Variants in COL15A1 observed in about 807,000 individuals in gnomAD.
COL15A1 encodes collagen type XV alpha 1 chain.
COL15A1 carries 111 observed loss-of-function variants against 165.9 expected under a neutral mutation model. That is an observed-to-expected ratio of 0.67 (90% CI 0.57 to 0.78). COL15A1 has a LOEUF of 0.78. COL15A1 is among the 30% of genes least tolerant of loss of function. COL15A1 has a pLI of 0.00. For synonymous variants in COL15A1, 659 were observed against 674.8 expected, an observed-to-expected ratio of 0.98 and a Z score of 0.36; for missense variants, 1,745 against 1,789.7, an observed-to-expected ratio of 0.98 and a Z score of 0.45.
intron 5 of COL15A1, among the ~76,000 whole-genome samples, chr9:98,994,958 C>G (rs1192695527): frequency 1.3e-5 from 2 of 152,106 alleles, no homozygotes; most frequent in Non-Finnish European, 2.9e-5. Context: ...CCCTGAGTTA[C>G]AGAGCTCAGC....
chr9:98,960,262 T>A (rs1837844315), intron 2 of COL15A1, among the ~76,000 whole-genome samples: 1 of 151,960 alleles, frequency 6.6e-6, no homozygotes, highest in Non-Finnish European at 1.5e-5. Context: ...TAGCATGATG[T>A]GGTGACATGT....
rs1191675282 is a variant in COL15A1, at chr9:99,049,692, C to A, written c.2796C>A (p.Gly932=). The part of the protein sequence containing the change: ...TKGDPGVIMQ[G]PPGLPGPPGP... ...ATGGCCTTTTTTTCTTCCTTCAGGG[C>A]CCACCTGGCTTACCTGGCCCTCCAG... Residue 932 remains glycine, a splice_region_variant and synonymous_variant, in exon 29 of 42, where the codon GGC becomes GGA. Transcript: ENST00000375001. 6.2e-7 allele frequency: 1 copy of A among 1,613,138 alleles called. No individual in the cohort carries two copies. Among genetic ancestry groups the A allele is most frequent in the African/African-American group, 1.3e-5 (1 of 75,022 alleles).
At position 99,047,887 on chromosome 9, in the gene COL15A1, G is replaced by T. The variant is rs770738280; in HGVS notation, c.2733+48G>T. ...CAGGCTGGAGGGGGAGGACACGTGG[G>T]CCAGGCTGGTCTGTGGGCGGAGGGT... On this transcript the variant is annotated intron_variant, in intron 27 of 41. Transcript: ENST00000375001. 5.0e-6 allele frequency: 8 copies of T among 1,610,994 alleles called. No individual in the cohort carries two copies. In the African/African-American group the frequency reaches 1.1e-4, roughly 22 times the overall value.
chr9:99,000,169 A>AG (rs1314802316), intron 6 of COL15A1, among the ~76,000 whole-genome samples: 1 of 152,218 alleles, frequency 6.6e-6, no homozygotes, highest in Non-Finnish European at 1.5e-5. Context: ...AAATTGCAAA[A>AG]GAAATATATG....
chr9:98,979,116 T>G (rs1279701587), intron 2 of COL15A1, among the ~76,000 whole-genome samples: 1 of 152,208 alleles, frequency 6.6e-6, no homozygotes, highest in Non-Finnish European at 1.5e-5. Context: ...ATTTATTATA[T>G]TAATCATTCC....
intron 39 of COL15A1, among the ~76,000 whole-genome samples, chr9:99,063,476 G>T (rs1003547149): frequency 2.0e-5 from 3 of 152,206 alleles, no homozygotes; most frequent in South Asian, 2.1e-4. Flanking sequence ...ACAGGCAAAA[G>T]AGTAGAGTTC....
Position 99,066,598 on chromosome 9 carries a change from T to TG in COL15A1, c.3652-283dup, listed in dbSNP as rs1365129190. ...ATTTGGTCCAAGCAATATTTTGTTC[T>TG]GTTTTTTTTTTTTTTTTTTTTTTTT... On this transcript the variant is annotated intron_variant, in intron 39 of 41. Coordinates refer to ENST00000375001, the MANE Select transcript of COL15A1 (RefSeq NM_001855.5). Among the ~76,000 whole-genome samples, 27 of 131,430 alleles carry TG rather than the reference T, an allele frequency of 2.1e-4. No individual in the cohort carries two copies. The East Asian group carries it at 3.3e-3, about 16-fold the overall frequency. The allele number at this position is 131,430 out of a possible 152,430, so 86.2% of individuals were successfully genotyped here. A position where few individuals can be genotyped will look rare whatever the true frequency, so the allele number is the denominator to read the frequency against.
chr9:98,976,879 G>C (rs936994179), intron 2 of COL15A1, among the ~76,000 whole-genome samples: 2 of 152,112 alleles, frequency 1.3e-5, no homozygotes, highest in African/African-American at 4.8e-5. Context: ...ACCTGGTGGG[G>C]GAATCCAAGA....
chr9:99,020,204 C>T (rs1219206851), intron 11 of COL15A1, among the ~76,000 whole-genome samples, 185 bp from the exon 12 acceptor site: 10 of 152,148 alleles, frequency 6.6e-5, no homozygotes, highest in African/African-American at 9.7e-5. Flanking sequence ...TATTATCTGC[C>T]GGTGCAGGGG....
At chr9:99,065,415 A>T (rs1280835525) in intron 39 of COL15A1, among the ~76,000 whole-genome samples, 1 of 152,010 alleles carries the variant, frequency 6.6e-6, no homozygotes, top group Non-Finnish European at 1.5e-5. Flanking sequence ...GAGGAAGAAG[A>T]CGGGGGGTGG....
In COL15A1 at chr9:98,985,846, G is replaced by A. The variant is rs1365089789; in HGVS notation, c.382G>A (p.Glu128Lys). The change falls in exon 3 of 42, where the codon GAG becomes AAG. Residue 128 changes from glutamate (E) to lysine (K), a missense_variant. Transcript: ENST00000375001. Reference protein sequence around the residue: ...IYLGLRLSGVEDGHQRIILYY... With the variant: ...IYLGLRLSGVKDGHQRIILYY... ...CCTGGGCCTGCGGCTCTCAGGTGTG[G>A]AGGACGGCCACCAGCGGATCATCCT... The A allele has an allele frequency of 6.2e-7, 1 of 1,613,856 alleles. No homozygotes were observed. Among genetic ancestry groups the A allele is most frequent in the Non-Finnish European group, 8.5e-7 (1 of 1,180,038 alleles).
rs769764905 is a variant in COL15A1, at chr9:99,004,962, T to C, written c.1265T>C (p.Met422Thr). ...GGGGAGGCCGAGGCACTCGCCAGCA[T>C]GCCTGGGGAAGTGGAGGCCAGTGGT... The part of the protein sequence containing the change: ...AAGEAEALAS[M>T]PGEVEASGVA... The change falls in exon 9 of 42, where the codon ATG becomes ACG. Residue 422 changes from methionine (M) to threonine (T), a missense_variant. Coordinates refer to ENST00000375001, the MANE Select transcript of COL15A1 (RefSeq NM_001855.5). 2 of 1,614,078 alleles carry C rather than the reference T, an allele frequency of 1.2e-6. No homozygotes were observed. Among genetic ancestry groups the C allele is most frequent in the Admixed American group, 1.7e-5 (1 of 60,006 alleles).
At chr9:98,969,427 T>G (rs1230466248) in intron 2 of COL15A1, among the ~76,000 whole-genome samples, 1 of 152,192 alleles carries the variant, frequency 6.6e-6, no homozygotes, top group Non-Finnish European at 1.5e-5. Context: ...TGCCCATCTT[T>G]TAAATGCAGA....
chr9:98,964,249 G>C (rs1483834201), intron 2 of COL15A1, among the ~76,000 whole-genome samples: 3 of 151,720 alleles, frequency 2.0e-5, no homozygotes, highest in South Asian at 2.1e-4. Flanking sequence ...TGTCCACTGG[G>C]TTTTCATCTT....
chr9:99,066,395 C>A (rs997928285), intron 39 of COL15A1, among the ~76,000 whole-genome samples: 5 of 152,130 alleles, frequency 3.3e-5, no homozygotes, highest in African/African-American at 1.2e-4. Context: ...TCTCCCAGAT[C>A]CCTCATGTGA....
chr9:98,992,719 G>A (rs1838465687), intron 5 of COL15A1, among the ~76,000 whole-genome samples: 1 of 152,226 alleles, frequency 6.6e-6, no homozygotes, highest in Admixed American at 6.5e-5. Flanking sequence ...GGTGGCATCA[G>A]CCCCATTGTG....
intron 2 of COL15A1, among the ~76,000 whole-genome samples, chr9:98,966,811 T>G (rs1490941749): frequency 6.6e-6 from 1 of 152,146 alleles, no homozygotes; most frequent in Non-Finnish European, 1.5e-5. Context: ...ATCTCAACAG[T>G]GGGGATCAGG....
chr9:99,052,436 A>G lies in COL15A1; in HGVS notation c.2950+3A>G. 1 of 1,599,450 alleles carries G rather than the reference A, an allele frequency of 6.3e-7. No homozygotes were observed. Among genetic ancestry groups the G allele is most frequent in the East Asian group, 2.2e-5 (1 of 44,730 alleles). ...TCCAGAGCTCATCACTTTTCACGGT[A>G]TACACTCCCTTCTTCATCATTTGTT... is the stretch of plus-strand genomic sequence containing the variant. On this transcript the variant is annotated splice_donor_region_variant and intron_variant, in intron 31 of 41. Coordinates refer to ENST00000375001, the MANE Select transcript of COL15A1 (RefSeq NM_001855.5).
At position 99,010,241 on chromosome 9, in the gene COL15A1, G is replaced by A. The variant is rs148968718; in HGVS notation, c.1354-5176G>A. On this transcript the variant is annotated intron_variant, in intron 9 of 41. Transcript: ENST00000375001. ...AAAGCCCTGTAACTTAATGGCACAAGTACTTTAAAAGCACATACAGAAATG... is the reference window on the plus strand; with the variant it reads ...AAAGCCCTGTAACTTAATGGCACAAATACTTTAAAAGCACATACAGAAATG... 6.1e-3 allele frequency among the ~76,000 whole-genome samples: 924 copies of A among 152,312 alleles called. 7 individuals carry two copies. Among genetic ancestry groups the A allele is most frequent in the Non-Finnish European group, 0.011 (731 of 68,028 alleles).
Sources: allele counts gnomAD v4.1 joint callset (sites outside exome capture counted in the v4.1 genomes callset), GRCh38; gene constraint gnomAD v4.1.1; transcripts MANE v1.5; gene names NCBI Gene and HGNC (gene_info 2026-07-23, HGNC 2026-07-21).